The following ABCC6 variants were observed in gnomAD, a reference collection of about 807,000 sequenced individuals.
ABCC6 encodes the protein ATP-binding cassette sub-family C member 6.
In ABCC6, 126 loss-of-function variants were observed where a neutral mutation model predicts 169.5. That is an observed-to-expected ratio of 0.74 (90% confidence interval 0.64 to 0.86). The LOEUF is 0.86. Among genes scored for constraint, ABCC6 ranks in the 40% least tolerant of loss-of-function variants. The probability of loss-of-function intolerance (pLI) is 0.00; values close to 1 mark genes in which losing one functional copy is unlikely to be tolerated. For missense variants in ABCC6, 1,733 were observed against 1,927.2 expected, an observed-to-expected ratio of 0.90 and a Z score of 1.89; for synonymous variants, 752 against 814.7, an observed-to-expected ratio of 0.92 and a Z score of 1.31.
Position 16,159,562 on chromosome 16 carries a change from C to G in ABCC6, c.3655G>C (p.Val1219Leu). 1 of 1,614,168 alleles carries G rather than the reference C, an allele frequency of 6.2e-7. No homozygotes were observed. Among genetic ancestry groups the G allele is most frequent in the Non-Finnish European group, 8.5e-7 (1 of 1,180,026 alleles). Residue 1219 changes from valine (V) to leucine (L), a missense_variant, in exon 26 of 31, where the codon GTT becomes CTT. Coordinates refer to ENST00000205557, the MANE Select transcript of ABCC6 (RefSeq NM_001171.6). ...TCTAGGTCTGTCCAGTTGCGAACAA[C>G]CCACTGCAGTGTCTGGGTCACCTGG... Reference protein sequence around the residue: ...ALQVTQTLQWVVRNWTDLENS... With the variant: ...ALQVTQTLQWLVRNWTDLENS...
chr16:16,192,945 G>A, intron 10 of ABCC6, 23 bp from the exon 11 acceptor site: 2 of 1,603,684 alleles, frequency 1.2e-6, no homozygotes, highest in Non-Finnish European at 8.5e-7. Flanking sequence ...GGGGCAGGAT[G>A]TCAGGAGATC....
intron 15 of ABCC6, among the ~76,000 whole-genome samples, chr16:16,184,574 A>G (rs1443512158): frequency 6.6e-6 from 1 of 152,198 alleles, no homozygotes; most frequent in Non-Finnish European, 1.5e-5. Flanking sequence ...TGGAGACTAT[A>G]GATGATCATG....
chr16:16,221,608 C>G, intron 2 of ABCC6, 41 bp downstream of exon 2: 1 of 1,608,774 alleles, frequency 6.2e-7, no homozygotes, highest in Non-Finnish European at 8.5e-7. Context: ...CTGCCTCCCC[C>G]GAACATTGCC....
intron 17 of ABCC6, among the ~76,000 whole-genome samples, 168 bp downstream of exon 17, chr16:16,182,244 C>T (rs766035669): frequency 6.6e-6 from 1 of 152,150 alleles, no homozygotes. Context: ...TTAGTGATTA[C>T]GTATTGAGCA....
intron 10 of ABCC6, among the ~76,000 whole-genome samples, chr16:16,197,520 G>C (rs1244308995): frequency 6.6e-6 from 1 of 150,570 alleles, no homozygotes; most frequent in Non-Finnish European, 1.5e-5. Context: ...GGACGGTAGA[G>C]GAGAAGAAGG....
chr16:16,175,996 C>G lies in ABCC6; in HGVS notation c.2591-10G>C. ...GTCCCAGGTTCTGTTTCTGCAAGGTCAAGAGAGTCCTGTCACGCAACACGG... is the reference window on the plus strand; with the variant it reads ...GTCCCAGGTTCTGTTTCTGCAAGGTGAAGAGAGTCCTGTCACGCAACACGG... On this transcript the variant is annotated splice_polypyrimidine_tract_variant and intron_variant, in intron 19 of 30. Transcript: ENST00000205557. 6.2e-7 allele frequency: 1 copy of G among 1,613,906 alleles called. No individual in the cohort carries two copies. The highest frequency in any genetic ancestry group is 8.5e-7 in the Non-Finnish European group (1 of 1,179,874).
At chr16:16,200,230 G>T (rs2048192770) in intron 9 of ABCC6, among the ~76,000 whole-genome samples, 1 of 151,958 alleles carries the variant, frequency 6.6e-6, no homozygotes, top group African/African-American at 2.4e-5. Context: ...TCAGGAGTTC[G>T]ATACCAGCTT....
Position 16,159,555 on chromosome 16 carries a change from C to A in ABCC6, c.3662G>T (p.Arg1221Leu). The change falls in exon 26 of 31, where the codon CGC becomes CTC. Residue 1221 changes from arginine to leucine, a missense_variant. Physicochemically the swap from Arg to Leu is moderately radical, Grantham distance 102 (BLOSUM62 -2). Coordinates refer to ENST00000205557, the MANE Select transcript of ABCC6 (RefSeq NM_001171.6). ...QVTQTLQWVV[R>L]NWTDLENSIV... ...GCTGTTCTCTAGGTCTGTCCAGTTG[C>A]GAACAACCCACTGCAGTGTCTGGGT... 6.2e-7 allele frequency: 1 copy of A among 1,614,106 alleles called. No homozygotes were observed. The highest frequency in any genetic ancestry group is 1.1e-5 in the South Asian group (1 of 91,076).
intron 22 of ABCC6, 34 bp downstream of exon 22, chr16:16,169,612 G>T (rs1263275547): frequency 1.2e-6 from 2 of 1,607,726 alleles, no homozygotes; most frequent in East Asian, 4.5e-5. Context: ...GTGCAGCTGG[G>T]AGGAGAGGGA....
At chr16:16,175,325 CTGT>C (rs949312237) in intron 20 of ABCC6, among the ~76,000 whole-genome samples, 4 of 152,274 alleles carry the variant, frequency 2.6e-5, no homozygotes, top group African/African-American at 9.6e-5. Context: ...TATCAGTGGC[CTGT>C]TGTTCTGCTT....
intron 11 of ABCC6, among the ~76,000 whole-genome samples, chr16:16,191,998 G>A (rs545223546): frequency 6.6e-6 from 1 of 152,294 alleles, no homozygotes; most frequent in East Asian, 1.9e-4. Flanking sequence ...TAGGTTGTGG[G>A]AAGTGCTGTG....
At chr16:16,161,726 C>T (rs187645110) in intron 24 of ABCC6, among the ~76,000 whole-genome samples, 162 bp from the exon 25 acceptor site, 189 of 152,242 alleles carry the variant, frequency 1.2e-3, no homozygotes, top group Middle Eastern at 0.01. Context: ...AAGATGACAC[C>T]GTCCTGTCTC....
Position 16,150,643 on chromosome 16 carries a change from G to C in ABCC6, c.4338C>G (p.Ser1446Arg). The change falls in exon 30 of 31, where the codon AGC becomes AGG. Residue 1446 changes from serine (S) to arginine (R), a missense_variant. Physicochemically the swap from Ser to Arg is moderately radical, Grantham distance 110. Transcript: ENST00000205557. ...TELQMQAMLG[S>R]WFAQCTVLLI... ...GCAGCACAGTGCACTGTGCAAACCA[G>C]CTCCCGAGCATGGCCTGCATCTGCA... 5 of 1,613,478 alleles carry C rather than the reference G, an allele frequency of 3.1e-6. No homozygotes were observed. The highest frequency in any genetic ancestry group is 4.2e-6 in the Non-Finnish European group (5 of 1,179,918).
chr16:16,208,708 C>T lies in ABCC6; in HGVS notation c.794+20G>A, dbSNP rs371791715. ...TTTCTGAAGTAGCATCAGGTGAGTT[C>T]TTGACCTCCACCCACTTACCTCCGG... On this transcript the variant is annotated intron_variant, in intron 7 of 30. Coordinates refer to ENST00000205557, the MANE Select transcript of ABCC6 (RefSeq NM_001171.6). The T allele has an allele frequency of 1.5e-4, 241 of 1,613,628 alleles. 1 individual carries two copies. The Middle Eastern group carries it at 3.8e-3, about 25-fold the overall frequency.
chr16:16,154,419 A>G (rs1365939616), intron 29 of ABCC6, among the ~76,000 whole-genome samples: 1 of 152,222 alleles, frequency 6.6e-6, no homozygotes, highest in African/African-American at 2.4e-5. Flanking sequence ...CCAAGTAAAT[A>G]TAGAAGACTA....
Position 16,149,905 on chromosome 16 carries a change from G to A in ABCC6, c.*228C>T. The A allele has an allele frequency of 1.6e-6, 1 of 643,726 alleles. No individual in the cohort carries two copies. The highest frequency in any genetic ancestry group is 1.8e-5 in the South Asian group (1 of 55,838). 39.9% of individuals were successfully genotyped at this position (643,726 alleles called of 1,614,324 possible). ...CGCTGTTGACATTGGCTGCAGGGTG[G>A]ACAGGGCGAGATGGGCCCTGCCCGG... On this transcript the variant is annotated 3_prime_UTR_variant, in exon 31 of 31. Coordinates refer to ENST00000205557, the MANE Select transcript of ABCC6 (RefSeq NM_001171.6).
intron 22 of ABCC6, among the ~76,000 whole-genome samples, chr16:16,168,633 A>G (rs923267661): frequency 6.6e-6 from 1 of 152,124 alleles, no homozygotes; most frequent in South Asian, 2.1e-4. Context: ...TGTGGTTGCA[A>G]AAGGGCAACA....
At chr16:16,157,536 G>A in intron 27 of ABCC6, 127 bp downstream of exon 27, 1 of 1,236,356 alleles carries the variant, frequency 8.1e-7, no homozygotes, top group Non-Finnish European at 1.2e-6. Flanking sequence ...GGGGTAATGG[G>A]TCTGAAAGCT....
At chr16:16,206,762 G>A (rs2048405078) in intron 7 of ABCC6, among the ~76,000 whole-genome samples, 1 of 152,062 alleles carries the variant, frequency 6.6e-6, no homozygotes, top group Admixed American at 6.6e-5. Flanking sequence ...TTTCATGTTG[G>A]CTGGGGATGC....
Sources: allele counts gnomAD v4.1 joint callset (sites outside exome capture counted in the v4.1 genomes callset), GRCh38; gene constraint gnomAD v4.1.1; transcripts MANE v1.5; gene names NCBI Gene and HGNC (gene_info 2026-07-23, HGNC 2026-07-21).